The following BRAF variants were observed in gnomAD, a reference collection of about 807,000 sequenced individuals.
BRAF encodes serine/threonine-protein kinase B-raf.
In BRAF, 16 loss-of-function variants were observed where a neutral mutation model predicts 104.6. The observed-to-expected ratio is 0.15, with a 90% CI of 0.10 to 0.23. BRAF has a LOEUF of 0.23. Among genes scored for constraint, BRAF ranks in the 10% least tolerant of loss-of-function variants. The probability of loss-of-function intolerance (pLI) is 1.00; values close to 1 mark genes in which losing one functional copy is unlikely to be tolerated. For missense variants in BRAF, 541 were observed against 937.3 expected (o/e 0.58, Z 5.52); for synonymous variants, 310 against 341.6 (o/e 0.91, Z 1.02).
intron 1 of BRAF, among the ~76,000 whole-genome samples, chr7:140,906,640 T>C (rs1301478729): frequency 6.6e-6 from 1 of 152,208 alleles, no homozygotes; most frequent in African/African-American, 2.4e-5. Flanking sequence ...GTATACTTCA[T>C]AATTTCCTTT....
At chr7:140,917,635 C>T (rs1817762290) in intron 1 of BRAF, among the ~76,000 whole-genome samples, 1 of 152,164 alleles carries the variant, frequency 6.6e-6, no homozygotes, top group Non-Finnish European at 1.5e-5. Flanking sequence ...TTTACAAAAG[C>T]AATTATGAAC....
intron 13 of BRAF, 23 bp from the exon 13 acceptor site, chr7:140,777,111 A>C (rs369261757): frequency 6.2e-7 from 1 of 1,610,900 alleles, no homozygotes. Context: ...ATGTGACAGT[A>C]AACATTAAAT....
chr7:140,842,141 T>A (rs879408424), intron 2 of BRAF, among the ~76,000 whole-genome samples: 1 of 152,110 alleles, frequency 6.6e-6, no homozygotes, highest in Non-Finnish European at 1.5e-5. Flanking sequence ...AGGTTCTATA[T>A]AGACTAAAAA....
intron 7 of BRAF, 27 bp downstream of exon 7, chr7:140,800,335 C>A (rs41282721): frequency 1.9e-6 from 3 of 1,613,696 alleles, no homozygotes; most frequent in Non-Finnish European, 2.5e-6. Context: ...AGTAGCATGT[C>A]GCCCAAGAGC....
At chr7:140,758,345 T>A (rs1191819034) in intron 14 of BRAF, 1 of 152,212 alleles carries the variant, frequency 6.6e-6, no homozygotes, top group Non-Finnish European at 1.5e-5. Context: ...TAGTCAGTAA[T>A]CATTTATCAC....
At chr7:140,742,978 A>G in intron 17 of BRAF, among the ~76,000 whole-genome samples, 1 of 152,186 alleles carries the variant, frequency 6.6e-6, no homozygotes, top group East Asian at 1.9e-4. Flanking sequence ...AAAAATGCTC[A>G]CCATCACTGG....
intron 16 of BRAF, among the ~76,000 whole-genome samples, chr7:140,749,940 T>C (rs1161549736): frequency 6.6e-6 from 1 of 152,176 alleles, no homozygotes; most frequent in African/African-American, 2.4e-5. Flanking sequence ...TTTCAAACTA[T>C]GGAATAAGCA....
intron 17 of BRAF, among the ~76,000 whole-genome samples, chr7:140,743,892 A>G (rs557070960): frequency 6.2e-4 from 95 of 152,314 alleles, no homozygotes; most frequent in Non-Finnish European, 1.1e-3. Context: ...TTTCAAAAAT[A>G]TTAATTGAAA....
intron 2 of BRAF, among the ~76,000 whole-genome samples, chr7:140,841,003 C>G (rs1307571613): frequency 6.6e-6 from 1 of 151,972 alleles, no homozygotes; most frequent in African/African-American, 2.4e-5. Flanking sequence ...GTGTGAGCCA[C>G]CATGCCTGGC....
intron 14 of BRAF, among the ~76,000 whole-genome samples, chr7:140,770,753 T>C (rs1799762591): frequency 6.6e-6 from 1 of 151,886 alleles, no homozygotes; most frequent in Non-Finnish European, 1.5e-5. Context: ...CTGGCCATCA[T>C]GGTGAAAACC....
chr7:140,719,201 G>A (rs1585880119), downstream of BRAF: 1 of 272,070 alleles, frequency 3.7e-6, no homozygotes, highest in East Asian at 1.5e-4. Flanking sequence ...TACCCACTAA[G>A]CAGTAACCAA....
At chr7:140,847,831 T>G (rs906744610) in intron 2 of BRAF, among the ~76,000 whole-genome samples, 1 of 152,146 alleles carries the variant, frequency 6.6e-6, no homozygotes, top group Non-Finnish European at 1.5e-5. Flanking sequence ...ACATGGAGTC[T>G]GTATGACTCC....
intron 19 of BRAF, among the ~76,000 whole-genome samples, chr7:140,729,719 A>C (rs1008505594): frequency 1.3e-5 from 2 of 152,154 alleles, no homozygotes; most frequent in Non-Finnish European, 2.9e-5. Context: ...CAGAGGCTGC[A>C]GTTAGCTGAG....
At chr7:140,763,293 C>A (rs1362941073) in intron 14 of BRAF, among the ~76,000 whole-genome samples, 8 of 146,624 alleles carry the variant, frequency 5.5e-5, no homozygotes, top group African/African-American at 1.5e-4. Flanking sequence ...GGGCTGACCC[C>A]CCCCACCTCC....
chr7:140,878,533 G>C (rs1287720050), intron 1 of BRAF, among the ~76,000 whole-genome samples: 1 of 151,886 alleles, frequency 6.6e-6, no homozygotes, highest in Non-Finnish European at 1.5e-5. Flanking sequence ...TCTATATCCA[G>C]AATACATAAA....
intron 1 of BRAF, among the ~76,000 whole-genome samples, chr7:140,869,095 A>G (rs909162063): frequency 6.6e-6 from 1 of 152,218 alleles, no homozygotes; most frequent in Non-Finnish European, 1.5e-5. Context: ...GACAAGGCAT[A>G]GGATGCAGAA....
In BRAF at chr7:140,862,441, A is replaced by C. The variant is rs549791616; in HGVS notation, c.139-12229T>G. Among the ~76,000 whole-genome samples, 8 of 152,350 alleles carry C rather than the reference A, an allele frequency of 5.3e-5. No homozygotes were observed. In the South Asian group the frequency reaches 1.4e-3, roughly 28 times the overall value. ...ATTTAGTAAGAGTTCTAAATGAAGA[A>C]AATAGAATAAATAAAGATTATGCTA... On this transcript the variant is annotated intron_variant, in intron 1 of 19. Coordinates refer to ENST00000644969, the MANE Select transcript of BRAF (RefSeq NM_001374258.1).
intron 14 of BRAF, among the ~76,000 whole-genome samples, chr7:140,756,096 A>G (rs1798183505): frequency 6.6e-6 from 1 of 152,054 alleles, no homozygotes; most frequent in African/African-American, 2.4e-5. Context: ...GAGAGTGGGG[A>G]GAGAAATTTT....
At chr7:140,799,866 C>A (rs1802902675) in intron 7 of BRAF, 1 of 292,228 alleles carries the variant, frequency 3.4e-6, no homozygotes, top group East Asian at 5.2e-5. Flanking sequence ...TACTTCTATA[C>A]CTAATAAAAG....
Sources: gnomAD v4.1 joint callset for allele counts (sites outside exome capture counted in the v4.1 genomes callset) on GRCh38, gnomAD v4.1.1 for gene constraint, MANE v1.5 for transcripts, NCBI Gene and HGNC (gene_info 2026-07-23, HGNC 2026-07-21) for gene names.